Variants in LEPR observed in about 807,000 individuals in gnomAD.
The protein encoded by LEPR is OB receptor.
Under a neutral mutation model 114.7 loss-of-function variants are expected in LEPR, and 56 were observed. That is an observed-to-expected ratio of 0.49 (90% CI 0.39 to 0.61). The LOEUF is 0.61. Among genes scored for constraint, LEPR ranks in the 20% least tolerant of loss-of-function variants. LEPR has a pLI of 0.00. For missense variants in LEPR, 1,202 were observed against 1,352.9 expected, an observed-to-expected ratio of 0.89 and a Z score of 1.75; for synonymous variants, 443 against 461.4, an observed-to-expected ratio of 0.96 and a Z score of 0.51.
At chr1:65,425,235 C>T in intron 1 of LEPR, 68 bp from the exon 2 acceptor site, 3 of 1,387,176 alleles carry the variant, frequency 2.2e-6, no homozygotes, top group Non-Finnish European at 3.0e-6. Context: ...CTCCCCATTT[C>T]CCCAAACCCT....
At chr1:65,588,937 G>T (rs1292377898) in intron 5 of LEPR, among the ~76,000 whole-genome samples, 1 of 152,070 alleles carries the variant, frequency 6.6e-6, no homozygotes, top group Non-Finnish European at 1.5e-5. Flanking sequence ...AAATGCCTGG[G>T]CATGGAATGG....
chr1:65,557,562 G>A (rs1047297455), intron 2 of LEPR, among the ~76,000 whole-genome samples: 2 of 152,044 alleles, frequency 1.3e-5, no homozygotes, highest in African/African-American at 4.8e-5. Context: ...TGGGATTACA[G>A]GAACACGCCA....
intron 2 of LEPR, among the ~76,000 whole-genome samples, chr1:65,522,562 G>A (rs1255526620): frequency 6.6e-6 from 1 of 152,166 alleles, no homozygotes; most frequent in Non-Finnish European, 1.5e-5. Flanking sequence ...GAAAGAAAAC[G>A]GAGTCATTCA....
At chr1:65,554,773 T>C (rs1177094598) in intron 2 of LEPR, among the ~76,000 whole-genome samples, 1 of 151,928 alleles carries the variant, frequency 6.6e-6, no homozygotes, top group East Asian at 1.9e-4. Context: ...AAAAAACTCC[T>C]GCAACTAGTT....
intron 2 of LEPR, among the ~76,000 whole-genome samples, chr1:65,451,687 A>G (rs923743360): frequency 6.6e-6 from 1 of 152,088 alleles, no homozygotes; most frequent in Admixed American, 6.5e-5. Context: ...GTAGCCTTGT[A>G]GTATAGTTTG....
intron 2 of LEPR, among the ~76,000 whole-genome samples, chr1:65,455,924 A>T (rs1646866455): frequency 2.0e-5 from 3 of 152,154 alleles, no homozygotes; most frequent in Non-Finnish European, 4.4e-5. Flanking sequence ...CTGTGCTAGC[A>T]ATCAGTGAGA....
At chr1:65,547,084 G>C (rs1187906385) in intron 2 of LEPR, among the ~76,000 whole-genome samples, 1 of 151,680 alleles carries the variant, frequency 6.6e-6, no homozygotes, top group Non-Finnish European at 1.5e-5. Flanking sequence ...TTTGTCTTTG[G>C]TTCTGTTTAT....
At chr1:65,613,995 G>A (rs1186529938) in intron 14 of LEPR, among the ~76,000 whole-genome samples, 1 of 151,834 alleles carries the variant, frequency 6.6e-6, no homozygotes, top group Non-Finnish European at 1.5e-5. Context: ...ATTCATTGCT[G>A]TGGAAATGCA....
intron 2 of LEPR, among the ~76,000 whole-genome samples, chr1:65,459,586 T>G (rs533771298): frequency 6.6e-6 from 1 of 152,310 alleles, no homozygotes; most frequent in Admixed American, 6.5e-5. Flanking sequence ...CTGGCAAAGC[T>G]TACCATTGTC....
chr1:65,431,796 C>G (rs751155466), intron 2 of LEPR: 17 of 1,609,284 alleles, frequency 1.1e-5, no homozygotes, highest in South Asian at 6.6e-5. Flanking sequence ...CTTTTCTTGT[C>G]TTTCAGATCA....
chr1:65,449,388 C>T (rs2100317399), intron 2 of LEPR, among the ~76,000 whole-genome samples: 1 of 151,898 alleles, frequency 6.6e-6, no homozygotes, highest in African/African-American at 2.4e-5. Flanking sequence ...GGCTAAGCCT[C>T]AGGTGGGTCT....
chr1:65,568,641 G>A (rs144992684), intron 3 of LEPR, among the ~76,000 whole-genome samples: 75 of 152,158 alleles, frequency 4.9e-4, no homozygotes, highest in Middle Eastern at 3.4e-3. Flanking sequence ...ACATATGACC[G>A]CAGGTGTCTT....
intron 19 of LEPR, among the ~76,000 whole-genome samples, chr1:65,623,783 C>A (rs996673993): frequency 2.0e-5 from 3 of 152,174 alleles, no homozygotes; most frequent in Non-Finnish European, 4.4e-5. Context: ...CTAAAGCCCC[C>A]TGAAGCTATT....
At chr1:65,557,595 T>G (rs1347515271) in intron 2 of LEPR, among the ~76,000 whole-genome samples, 1 of 152,120 alleles carries the variant, frequency 6.6e-6, no homozygotes, top group Non-Finnish European at 1.5e-5. Flanking sequence ...ACTTTTTGTA[T>G]TTTTAGTAGA....
intron 2 of LEPR, among the ~76,000 whole-genome samples, chr1:65,508,085 T>C (rs909804489): frequency 6.6e-6 from 1 of 152,206 alleles, no homozygotes; most frequent in African/African-American, 2.4e-5. Context: ...GTATTTTAGA[T>C]ATTAGCCTCT....
intron 2 of LEPR, among the ~76,000 whole-genome samples, chr1:65,538,656 T>C (rs1307464993): frequency 6.6e-6 from 1 of 152,194 alleles, no homozygotes; most frequent in East Asian, 1.9e-4. Context: ...TAGTATTCGG[T>C]GTTTTGGGAT....
intron 2 of LEPR, among the ~76,000 whole-genome samples, chr1:65,540,884 T>A (rs929921440): frequency 2.1e-4 from 32 of 152,138 alleles, no homozygotes; most frequent in African/African-American, 7.7e-4. Context: ...CAGGCTAGAG[T>A]ACAATGGTGC....
chr1:65,509,827 T>G (rs558612147), intron 2 of LEPR, among the ~76,000 whole-genome samples: 21 of 152,342 alleles, frequency 1.4e-4, no homozygotes, highest in African/African-American at 4.8e-4. Flanking sequence ...ATTCATTTTT[T>G]TCCTTTGTAT....
intron 2 of LEPR, 25 bp downstream of exon 2, chr1:65,425,403 T>C (rs750259367): frequency 1.3e-6 from 2 of 1,567,304 alleles, no homozygotes; most frequent in East Asian, 4.6e-5. Flanking sequence ...CAAAAAGAAC[T>C]ATTCCTCTTT....
Sources: gnomAD v4.1 joint callset for allele counts (sites outside exome capture counted in the v4.1 genomes callset) on GRCh38, gnomAD v4.1.1 for gene constraint, MANE v1.5 for transcripts, NCBI Gene and HGNC (gene_info 2026-07-23, HGNC 2026-07-21) for gene names.